The following MAD1L1 variants were observed in gnomAD, a reference collection of about 807,000 sequenced individuals.
MAD1L1 encodes the protein mitotic arrest deficient 1 like 1, also known as mitotic spindle assembly checkpoint protein MAD1.
Under a neutral mutation model 96.9 loss-of-function variants are expected in MAD1L1, and 95 were observed. The ratio of observed to expected loss-of-function variants is 0.98; its 90% confidence interval spans 0.83 to 1.16. The LOEUF (loss-of-function observed/expected upper bound fraction) is 1.16, where lower values mean the gene tolerates loss of function less well. MAD1L1 is among the 50% of genes most tolerant of loss of function. MAD1L1 has a pLI of 0.00. For synonymous variants in MAD1L1, 473 were observed against 396.6 expected, an observed-to-expected ratio of 1.19 and a Z score of -2.29; for missense variants, 1,007 against 954.4, an observed-to-expected ratio of 1.06 and a Z score of -0.73.
At chr7:2,053,776 C>T (rs553101744) in intron 12 of MAD1L1, among the ~76,000 whole-genome samples, 36 of 152,292 alleles carry the variant, frequency 2.4e-4, no homozygotes, top group East Asian at 7.7e-4. Flanking sequence ...CTCCTGTGAC[C>T]GAGCTCTCCA....
intron 17 of MAD1L1, among the ~76,000 whole-genome samples, chr7:1,903,886 T>C (rs28659183): frequency 0.24 from 14,068 of 58,372 alleles, 977 homozygotes; most frequent in East Asian, 0.33. Flanking sequence ...CTATGGAAGA[T>C]GCTCTTGCGG....
intron 7 of MAD1L1, among the ~76,000 whole-genome samples, chr7:2,217,531 G>A (rs1793355285): frequency 6.6e-6 from 1 of 152,226 alleles, no homozygotes; most frequent in Non-Finnish European, 1.5e-5. Context: ...ACAGGAGGCA[G>A]GAGAGGGATC....
chr7:2,115,726 C>T (rs1247445676), intron 11 of MAD1L1, among the ~76,000 whole-genome samples: 1 of 152,254 alleles, frequency 6.6e-6, no homozygotes, highest in Non-Finnish European at 1.5e-5. Context: ...CACGGCCCTG[C>T]CCCCAAGGTC....
chr7:1,834,599 C>CTA (rs1782856956), intron 18 of MAD1L1, among the ~76,000 whole-genome samples: 1 of 152,244 alleles, frequency 6.6e-6, no homozygotes, highest in South Asian at 2.1e-4. Context: ...GTGAATAACT[C>CTA]TATGTCTATC....
chr7:1,923,444 C>T (rs945501376), intron 17 of MAD1L1, among the ~76,000 whole-genome samples: 3 of 149,500 alleles, frequency 2.0e-5, no homozygotes, highest in Non-Finnish European at 4.5e-5. Flanking sequence ...TGCGCTCTTC[C>T]GCCCCGGCAC....
intron 10 of MAD1L1, among the ~76,000 whole-genome samples, chr7:2,185,239 A>ATGAC (rs1459992595): frequency 6.6e-6 from 1 of 151,166 alleles, no homozygotes; most frequent in Admixed American, 6.6e-5. Context: ...TGGGCAAAAG[A>ATGAC]TGACAGCAAT....
chr7:1,820,269 C>T (rs1016493729), intron 18 of MAD1L1, among the ~76,000 whole-genome samples: 15 of 152,072 alleles, frequency 9.9e-5, no homozygotes, highest in Non-Finnish European at 2.2e-4. Context: ...ATTTGCCAGA[C>T]GCACCCAAGG....
rs566275813 is a variant in MAD1L1, at chr7:1,820,040, G to C, written c.1999-3812C>G. Among the ~76,000 whole-genome samples the C allele has an allele frequency of 5.9e-5, 9 of 152,268 alleles. No individual in the cohort carries two copies. The South Asian group carries it at 1.9e-3, about 32-fold the overall frequency. On this transcript the variant is annotated intron_variant, in intron 18 of 18. Coordinates refer to ENST00000265854, the MANE Select transcript of MAD1L1 (RefSeq NM_001013836.2). ...AAACGATGCTACTTCGAGATACTGG[G>C]AAGTTATGTGAATGCTGTTCATCTG...
chr7:2,133,791 G>T (rs958704688), intron 11 of MAD1L1, among the ~76,000 whole-genome samples: 1 of 152,196 alleles, frequency 6.6e-6, no homozygotes, highest in African/African-American at 2.4e-5. Flanking sequence ...CATTTGCTGA[G>T]AAGACCGTTT....
At chr7:1,913,423 G>A (rs575544378) in intron 17 of MAD1L1, among the ~76,000 whole-genome samples, 13 of 152,362 alleles carry the variant, frequency 8.5e-5, no homozygotes, top group South Asian at 4.1e-4. Context: ...GAATCCGCGC[G>A]TGCACGCCCG....
chr7:1,831,002 T>C (rs1247916328), intron 18 of MAD1L1, among the ~76,000 whole-genome samples: 1 of 152,294 alleles, frequency 6.6e-6, no homozygotes, highest in African/African-American at 2.4e-5. Flanking sequence ...AAGAAGCACA[T>C]TTTAACTATG....
At chr7:1,977,890 G>A (rs1780719645) in intron 15 of MAD1L1, among the ~76,000 whole-genome samples, 1 of 152,228 alleles carries the variant, frequency 6.6e-6, no homozygotes, top group Non-Finnish European at 1.5e-5. Context: ...ACAGATGCTG[G>A]AAGCCACAGC....
At chr7:1,878,767 A>T (rs1785521937) in intron 18 of MAD1L1, among the ~76,000 whole-genome samples, 1 of 147,144 alleles carries the variant, frequency 6.8e-6, no homozygotes, top group Non-Finnish European at 1.5e-5. Context: ...ACTGTACTGA[A>T]ATTCCTAGCC....
At chr7:2,108,923 G>T (rs1012018606) in intron 11 of MAD1L1, among the ~76,000 whole-genome samples, 8 of 152,390 alleles carry the variant, frequency 5.2e-5, no homozygotes, top group Admixed American at 2.6e-4. Context: ...TCCTGGGGAA[G>T]TGCAGGGCCC....
chr7:1,845,736 C>T lies in MAD1L1; in HGVS notation c.1999-29508G>A, dbSNP rs1321339035. Reference sequence around the variant, plus strand: ...GATGGACACGCTCCACGCAGACACGCGTCGGGTTCCGGCTCACGGGGAGGA... The same window carrying T: ...GATGGACACGCTCCACGCAGACACGTGTCGGGTTCCGGCTCACGGGGAGGA... On this transcript the variant is annotated intron_variant, in intron 18 of 18. Coordinates refer to ENST00000265854, the MANE Select transcript of MAD1L1 (RefSeq NM_001013836.2). 4 of 152,496 alleles carry T rather than the reference C, an allele frequency of 2.6e-5. No homozygotes were observed. In the East Asian group the frequency reaches 5.8e-4, roughly 22 times the overall value. 9.4% of individuals were successfully genotyped at this position (152,496 alleles called of 1,614,324 possible).
chr7:1,829,416 C>T (rs548872794), intron 18 of MAD1L1: 85 of 152,416 alleles, frequency 5.6e-4, no homozygotes, highest in African/African-American at 2.0e-3. Context: ...GGCAGCCCAA[C>T]CACGGATAGA....
At chr7:1,939,604 C>G (rs975683594) in intron 16 of MAD1L1, among the ~76,000 whole-genome samples, 1 of 152,224 alleles carries the variant, frequency 6.6e-6, no homozygotes, top group East Asian at 1.9e-4. Context: ...ATGGCCTCCT[C>G]CCCTTTGGCA....
intron 3 of MAD1L1, among the ~76,000 whole-genome samples, chr7:2,226,525 C>T (rs1180150509): frequency 6.6e-6 from 1 of 152,212 alleles, no homozygotes; most frequent in Non-Finnish European, 1.5e-5. Context: ...CAAAGAGCCC[C>T]AGAAGACTTG....
intron 11 of MAD1L1, among the ~76,000 whole-genome samples, chr7:2,110,210 C>T (rs1030089931): frequency 6.6e-6 from 1 of 152,192 alleles, no homozygotes; most frequent in Non-Finnish European, 1.5e-5. Context: ...CCTGTGACTT[C>T]AATGACACAG....
Sources: gnomAD v4.1 joint callset for allele counts (sites outside exome capture counted in the v4.1 genomes callset) on GRCh38, gnomAD v4.1.1 for gene constraint, MANE v1.5 for transcripts, NCBI Gene and HGNC (gene_info 2026-07-23, HGNC 2026-07-21) for gene names.